Variants in SGPP1 observed in about 807,000 individuals in gnomAD.
SGPP1 encodes hSPP1.
A neutral mutation model predicts 33.0 loss-of-function variants in SGPP1; 21 were observed. The ratio of observed to expected loss-of-function variants is 0.64; its 90% CI spans 0.45 to 0.92. The LOEUF (loss-of-function observed/expected upper bound fraction) is 0.92, where lower values mean the gene tolerates loss of function less well. Ranked by LOEUF, SGPP1 falls within the 40% of genes least tolerant of loss-of-function variation. The pLI, the probability that SGPP1 is intolerant of heterozygous loss-of-function variation, is 0.00. For synonymous variants in SGPP1, 239 were observed against 241.2 expected, an observed-to-expected ratio of 0.99 and a Z score of 0.08; for missense variants, 543 against 589.4, an observed-to-expected ratio of 0.92 and a Z score of 0.81.
chr14:63,707,669 C>G (rs1885443412), intron 1 of SGPP1, among the ~76,000 whole-genome samples: 2 of 151,956 alleles, frequency 1.3e-5, no homozygotes. Flanking sequence ...TGGTCTTGAA[C>G]TGCCAACCTC....
chr14:63,712,260 A>C lies in SGPP1; in HGVS notation c.685-13602T>G, dbSNP rs150806995. Among the ~76,000 whole-genome samples the C allele has an allele frequency of 2.8e-3, 422 of 152,230 alleles. 2 individuals are homozygous for C. Among genetic ancestry groups the C allele is most frequent in the South Asian group, 0.01 (50 of 4,820 alleles). ...ATCTTGCTTGTTCTCTTAGCAGAAT[A>C]ACAATGTTAACTACTTTTCTTTTCT... On this transcript the variant is annotated intron_variant, in intron 1 of 2. Coordinates refer to ENST00000247225, the MANE Select transcript of SGPP1 (RefSeq NM_030791.4).
intron 2 of SGPP1, among the ~76,000 whole-genome samples, chr14:63,695,623 A>G (rs552219139): frequency 1.3e-5 from 2 of 152,352 alleles, no homozygotes; most frequent in Non-Finnish European, 2.9e-5. Flanking sequence ...TAAAACTCTT[A>G]GTGTTAGGCT....
chr14:63,709,624 G>A (rs1233814778), intron 1 of SGPP1, among the ~76,000 whole-genome samples: 2 of 152,006 alleles, frequency 1.3e-5, no homozygotes, highest in Non-Finnish European at 2.9e-5. Flanking sequence ...TGGCATTTAT[G>A]TATTTCCTCT....
intron 1 of SGPP1, among the ~76,000 whole-genome samples, chr14:63,711,015 C>CT (rs1392932036): frequency 0.066 from 9,303 of 140,632 alleles, 330 homozygotes; most frequent in African/African-American, 0.084. Flanking sequence ...TGTTTTCTTT[C>CT]TTTTTTTTTT....
intron 2 of SGPP1, among the ~76,000 whole-genome samples, chr14:63,688,125 CA>C (rs1340256993): frequency 6.7e-6 from 1 of 149,416 alleles, no homozygotes; most frequent in Non-Finnish European, 1.5e-5. Flanking sequence ...AACTCCAACT[CA>C]AAAATAAATA....
At chr14:63,707,052 A>C (rs1446270185) in intron 1 of SGPP1, among the ~76,000 whole-genome samples, 2 of 151,442 alleles carry the variant, frequency 1.3e-5, no homozygotes, top group Non-Finnish European at 2.9e-5. Context: ...AAAAAAAAAA[A>C]AAAAAAAAAC....
intron 1 of SGPP1, among the ~76,000 whole-genome samples, chr14:63,720,100 G>A (rs932673954): frequency 6.8e-6 from 1 of 147,648 alleles, no homozygotes; most frequent in South Asian, 2.2e-4. Context: ...CACTCCAGCC[G>A]GGCGACAGAG....
intron 1 of SGPP1, among the ~76,000 whole-genome samples, chr14:63,716,468 TG>T (rs1323670781): frequency 6.6e-6 from 1 of 151,872 alleles, no homozygotes; most frequent in African/African-American, 2.4e-5. Context: ...CACTCTAGCC[TG>T]GGCAACAGAG....
At chr14:63,725,098 C>T (rs946341450) in intron 1 of SGPP1, among the ~76,000 whole-genome samples, 11 of 152,146 alleles carry the variant, frequency 7.2e-5, no homozygotes, top group Non-Finnish European at 1.2e-4. Context: ...TTAGGCCAGG[C>T]GCAGTGGCTC....
chr14:63,698,730 T>G (rs1443106198), intron 1 of SGPP1, 72 bp from the exon 2 acceptor site: 2 of 816,164 alleles, frequency 2.5e-6, no homozygotes, highest in African/African-American at 3.6e-5. Flanking sequence ...AAAAGACAAA[T>G]CAAATCACTA....
At position 63,727,878 on chromosome 14, in the gene SGPP1, A is replaced by C. The variant is rs1328555078; in HGVS notation, c.67T>G (p.Phe23Val). 1 of 1,524,476 alleles carries C rather than the reference A, an allele frequency of 6.6e-7. No homozygotes were observed. The highest frequency in any genetic ancestry group is 8.8e-7 in the Non-Finnish European group (1 of 1,142,796). The allele number at this position is 1,524,476 out of a possible 1,614,324, so 94.4% of individuals were successfully genotyped here. The change falls in exon 1 of 3, where the codon TTC becomes GTC. Residue 23 changes from phenylalanine to valine, a missense_variant. By Grantham distance (50) the Phe-to-Val change is conservative. Coordinates refer to ENST00000247225, the MANE Select transcript of SGPP1 (RefSeq NM_030791.4). ...GCTTCCACCCCGCACAGCCGCTGGA[A>C]ACGGGCCACTTTCTGCGGGTCCTGC... ...RLQDPQKVAR[F>V]QRLCGVEAPP...
chr14:63,693,638 G>C (rs1195653670), intron 2 of SGPP1, among the ~76,000 whole-genome samples: 1 of 151,888 alleles, frequency 6.6e-6, no homozygotes, highest in African/African-American at 2.4e-5. Context: ...TTTTTAGATA[G>C]GATCTTGCTC....
intron 1 of SGPP1, among the ~76,000 whole-genome samples, chr14:63,703,429 C>A (rs61985693): frequency 1.3e-5 from 2 of 151,846 alleles, no homozygotes; most frequent in Non-Finnish European, 2.9e-5. Context: ...CTGAGGTGGG[C>A]GGATCACAAG....
chr14:63,695,125 C>G (rs1237435622), intron 2 of SGPP1, among the ~76,000 whole-genome samples: 1 of 152,108 alleles, frequency 6.6e-6, no homozygotes, highest in Non-Finnish European at 1.5e-5. Context: ...GGCGCGATCT[C>G]TGCTCACTGC....
chr14:63,726,226 T>C (rs1308230021), intron 1 of SGPP1, among the ~76,000 whole-genome samples: 1 of 152,216 alleles, frequency 6.6e-6, no homozygotes, highest in African/African-American at 2.4e-5. Context: ...TTTCTCAATG[T>C]AAAATGATTT....
chr14:63,706,243 C>G (rs941414915), intron 1 of SGPP1, among the ~76,000 whole-genome samples: 1 of 152,152 alleles, frequency 6.6e-6, no homozygotes, highest in Non-Finnish European at 1.5e-5. Context: ...TATACAGCCA[C>G]AACATGGATG....
intron 1 of SGPP1, among the ~76,000 whole-genome samples, chr14:63,711,937 G>C (rs1477984600): frequency 6.6e-6 from 1 of 151,624 alleles, no homozygotes; most frequent in Non-Finnish European, 1.5e-5. Flanking sequence ...GGCTGAGGCA[G>C]GAGAATCGCT....
chr14:63,727,135 T>C (rs998411481), intron 1 of SGPP1, 126 bp downstream of exon 1: 5 of 1,397,738 alleles, frequency 3.6e-6, no homozygotes, highest in Non-Finnish European at 4.6e-6. Context: ...TTTGCGAGTA[T>C]TGTGAAAACC....
At chr14:63,696,441 G>A (rs936990642) in intron 2 of SGPP1, among the ~76,000 whole-genome samples, 7 of 152,142 alleles carry the variant, frequency 4.6e-5, no homozygotes, top group Non-Finnish European at 7.4e-5. Context: ...CACTAAAGAT[G>A]CATAACCATT....
Sources: allele counts gnomAD v4.1 joint callset (sites outside exome capture counted in the v4.1 genomes callset), GRCh38; gene constraint gnomAD v4.1.1; transcripts MANE v1.5; gene names NCBI Gene and HGNC (gene_info 2026-07-23, HGNC 2026-07-21).